The following FAF1 variants were observed in gnomAD, a reference collection of about 807,000 sequenced individuals.
FAF1 encodes the protein FAS-associated factor 1.
A neutral mutation model predicts 92.5 loss-of-function variants in FAF1; 25 were observed. The observed-to-expected ratio is 0.27, with a 90% confidence interval of 0.20 to 0.38. The LOEUF (loss-of-function observed/expected upper bound fraction) is 0.38. FAF1 is among the 10% of genes least tolerant of loss of function. FAF1 has a pLI of 1.00. For synonymous variants in FAF1, 234 were observed against 273.2 expected (o/e 0.86, Z 1.42); for missense variants, 636 against 793.3 (o/e 0.80, Z 2.38).
intron 6 of FAF1, among the ~76,000 whole-genome samples, chr1:50,724,280 C>CACACACACACACACACAT (rs1658538858): frequency 2.3e-5 from 3 of 131,108 alleles, no homozygotes; most frequent in African/African-American, 6.2e-5. Context: ...TACATATACA[C>CACACACACACACACACAT]ACACACACAC....
chr1:50,487,467 C>G (rs1646781289), intron 17 of FAF1, among the ~76,000 whole-genome samples: 1 of 152,120 alleles, frequency 6.6e-6, no homozygotes, highest in Admixed American at 6.5e-5. Context: ...CTTTGAATTG[C>G]ATGTATTCAT....
At chr1:50,828,460 G>A (rs112931784) in intron 2 of FAF1, among the ~76,000 whole-genome samples, 10,062 of 151,946 alleles carry the variant, frequency 0.066, 413 homozygotes, top group East Asian at 0.094. Flanking sequence ...TAGTAGAGAC[G>A]GGGTTTCACT....
At chr1:50,794,396 GC>G (rs1394466708) in intron 3 of FAF1, among the ~76,000 whole-genome samples, 1 of 152,172 alleles carries the variant, frequency 6.6e-6, no homozygotes, top group Non-Finnish European at 1.5e-5. Flanking sequence ...TGAAAGAAAA[GC>G]CCCCCACTGG....
At chr1:50,873,379 T>C (rs951705378) in intron 1 of FAF1, among the ~76,000 whole-genome samples, 10 of 152,164 alleles carry the variant, frequency 6.6e-5, no homozygotes. Context: ...CCTGGGTAAA[T>C]GGTCACCTTT....
intron 1 of FAF1, among the ~76,000 whole-genome samples, chr1:50,952,997 T>C (rs1392580365): frequency 2.0e-5 from 3 of 152,242 alleles, no homozygotes; most frequent in African/African-American, 7.2e-5. Flanking sequence ...ATTGTTGCTG[T>C]GTCTGTGTAG....
chr1:50,830,390 G>A (rs188372028), intron 2 of FAF1, among the ~76,000 whole-genome samples: 64 of 152,344 alleles, frequency 4.2e-4, no homozygotes, highest in African/African-American at 1.5e-3. Flanking sequence ...GATTACAGGC[G>A]TGAGCCATTG....
chr1:50,693,148 C>T (rs999610456), intron 7 of FAF1, among the ~76,000 whole-genome samples: 1 of 152,126 alleles, frequency 6.6e-6, no homozygotes, highest in Admixed American at 6.6e-5. Context: ...ACCCAAAAAC[C>T]ACGAAAAATT....
intron 12 of FAF1, among the ~76,000 whole-genome samples, chr1:50,574,728 T>C (rs927243716): frequency 1.3e-5 from 2 of 152,054 alleles, no homozygotes; most frequent in African/African-American, 4.8e-5. Context: ...ATTAAAAATA[T>C]ATTAATAATG....
In FAF1 at chr1:50,901,212, G is replaced by A. The variant is rs186655112; in HGVS notation, c.46-43215C>T. Among the ~76,000 whole-genome samples, 11 of 152,050 alleles carry A rather than the reference G, an allele frequency of 7.2e-5. No individual in the cohort carries two copies. In the East Asian group the frequency reaches 2.1e-3, roughly 29 times the overall value. Reference sequence around the variant, plus strand: ...GGAATGGTTAGGATTCCACCTGCAGGGCTAAGATTTATTGTTCTCAGAAAA... The same window carrying A: ...GGAATGGTTAGGATTCCACCTGCAGAGCTAAGATTTATTGTTCTCAGAAAA... On this transcript the variant is annotated intron_variant, in intron 1 of 18. Coordinates refer to ENST00000396153, the MANE Select transcript of FAF1 (RefSeq NM_007051.3).
intron 3 of FAF1, among the ~76,000 whole-genome samples, chr1:50,789,543 T>C (rs1168030439): frequency 2.6e-5 from 4 of 152,152 alleles, no homozygotes. Context: ...CTAAGTATGT[T>C]TTGTATAAGT....
intron 4 of FAF1, among the ~76,000 whole-genome samples, chr1:50,769,625 C>A (rs375011318): frequency 1.3e-5 from 2 of 152,200 alleles, no homozygotes; most frequent in African/African-American, 4.8e-5. Context: ...CCCTGGGATG[C>A]AAGGTTGGTT....
chr1:50,580,812 T>C (rs1185373200), intron 12 of FAF1, among the ~76,000 whole-genome samples: 3 of 152,268 alleles, frequency 2.0e-5, no homozygotes, highest in African/African-American at 7.2e-5. Flanking sequence ...TCACCTATTA[T>C]CCAGGCTGGA....
intron 13 of FAF1, among the ~76,000 whole-genome samples, chr1:50,542,053 T>C (rs1348176262): frequency 6.6e-6 from 1 of 152,178 alleles, no homozygotes; most frequent in Admixed American, 6.5e-5. Context: ...TTTCTGCTAG[T>C]TATTGGAAAA....
intron 17 of FAF1, among the ~76,000 whole-genome samples, chr1:50,479,995 A>G (rs1216917009): frequency 6.6e-6 from 1 of 152,228 alleles, no homozygotes; most frequent in African/African-American, 2.4e-5. Flanking sequence ...AAACAACAAC[A>G]TAAAGGACAC....
intron 1 of FAF1, among the ~76,000 whole-genome samples, chr1:50,866,233 C>T (rs1306621864): frequency 1.3e-5 from 2 of 152,084 alleles, no homozygotes; most frequent in Non-Finnish European, 2.9e-5. Flanking sequence ...CGACATTATA[C>T]TGAAGTTCCA....
At position 50,919,839 on chromosome 1, in the gene FAF1, G is replaced by A. The variant is rs551862072; in HGVS notation, c.45+39928C>T. Among the ~76,000 whole-genome samples, 4 of 152,252 alleles carry A rather than the reference G, an allele frequency of 2.6e-5. No individual in the cohort carries two copies. In the East Asian group the frequency reaches 7.7e-4, roughly 29 times the overall value. On this transcript the variant is annotated intron_variant, in intron 1 of 18. Transcript: ENST00000396153. ...AAGCAATTAAGAGGAACTGTGATAA[G>A]TAAACCATGTATGTTGTAATCTCTA...
chr1:50,599,652 A>T (rs1652001652), intron 8 of FAF1, among the ~76,000 whole-genome samples: 1 of 152,194 alleles, frequency 6.6e-6, no homozygotes, highest in Non-Finnish European at 1.5e-5. Context: ...CTATGTGACA[A>T]ATGGGAAGTA....
intron 1 of FAF1, among the ~76,000 whole-genome samples, chr1:50,943,651 T>G (rs1202335811): frequency 6.6e-6 from 1 of 152,086 alleles, no homozygotes. Context: ...TCACAGGGTG[T>G]GCCTAAATAA....
Position 50,801,978 on chromosome 1 carries a change from G to A in FAF1, c.115-301C>T, listed in dbSNP as rs182072724. On this transcript the variant is annotated intron_variant, in intron 2 of 18. Transcript: ENST00000396153. The stretch of plus-strand genomic sequence containing the variant: ...CTCACAGAACCCAAAGTTTAAGGAT[G>A]TCAAAACAGGAAAAATCAGTAACTT... Among the ~76,000 whole-genome samples, 85 of 152,260 alleles carry A rather than the reference G, an allele frequency of 5.6e-4. 2 individuals carry two copies. The highest frequency in any genetic ancestry group is 1.2e-3 in the Admixed American group (19 of 15,288).
Sources: allele counts gnomAD v4.1 joint callset (sites outside exome capture counted in the v4.1 genomes callset), GRCh38; gene constraint gnomAD v4.1.1; transcripts MANE v1.5; gene names NCBI Gene and HGNC (gene_info 2026-07-23, HGNC 2026-07-21).